Variants in COL25A1 observed in about 807,000 individuals in gnomAD.
COL25A1 encodes collagen type XXV alpha 1 chain.
A neutral mutation model predicts 128.4 loss-of-function variants in COL25A1; 103 were observed. The ratio of observed to expected loss-of-function variants is 0.80; its 90% confidence interval spans 0.68 to 0.94. COL25A1 has a LOEUF of 0.94. COL25A1 is among the 40% of genes least tolerant of loss of function. The pLI is 0.00. For missense variants in COL25A1, 745 were observed against 840.0 expected, an observed-to-expected ratio of 0.89 and a Z score of 1.40; for synonymous variants, 279 against 277.2, an observed-to-expected ratio of 1.01 and a Z score of -0.06.
chr4:109,246,895 AG>A (rs1334554863), intron 3 of COL25A1, among the ~76,000 whole-genome samples: 2 of 152,312 alleles, frequency 1.3e-5, no homozygotes, highest in African/African-American at 4.8e-5. Flanking sequence ...CTGGAATGCA[AG>A]GTAGGTTCAG....
intron 5 of COL25A1, among the ~76,000 whole-genome samples, chr4:109,024,119 A>G (rs1231008785): frequency 6.6e-6 from 1 of 152,094 alleles, no homozygotes; most frequent in Non-Finnish European, 1.5e-5. Context: ...GTGTTAGATG[A>G]TTTTGTCCTA....
At chr4:109,098,233 G>A (rs867451867) in intron 3 of COL25A1, among the ~76,000 whole-genome samples, 1 of 152,096 alleles carries the variant, frequency 6.6e-6, no homozygotes, top group Non-Finnish European at 1.5e-5. Flanking sequence ...AAGCTGATAC[G>A]CAGTTTCTAA....
chr4:109,068,890 G>C (rs1387463248), intron 3 of COL25A1, among the ~76,000 whole-genome samples: 3 of 152,060 alleles, frequency 2.0e-5, no homozygotes, highest in Non-Finnish European at 2.9e-5. Flanking sequence ...GGAGACAGGA[G>C]ACAAGGAAAA....
intron 19 of COL25A1, among the ~76,000 whole-genome samples, 196 bp downstream of exon 19, chr4:108,883,982 T>A (rs1427757402): frequency 2.0e-5 from 3 of 152,160 alleles, no homozygotes; most frequent in Admixed American, 6.5e-5. Flanking sequence ...AAATAAACAA[T>A]CCATATTGCC....
chr4:108,880,290 G>C (rs1430907850), intron 19 of COL25A1, among the ~76,000 whole-genome samples: 1 of 152,116 alleles, frequency 6.6e-6, no homozygotes, highest in African/African-American at 2.4e-5. Context: ...CTTTGTTCCT[G>C]GGATACATTT....
chr4:109,048,373 C>A (rs970816082), intron 4 of COL25A1, among the ~76,000 whole-genome samples, 198 bp from the exon 5 acceptor site: 1 of 152,084 alleles, frequency 6.6e-6, no homozygotes, highest in Non-Finnish European at 1.5e-5. Context: ...TATAATTGCA[C>A]ACAAAATTTT....
intron 6 of COL25A1, 32 bp from the exon 7 acceptor site, chr4:108,974,591 T>C (rs982916446): frequency 6.4e-7 from 1 of 1,558,966 alleles, no homozygotes; most frequent in Admixed American, 1.8e-5. Flanking sequence ...AAAATTTTAA[T>C]TAAAAAAAGA....
chr4:109,150,781 T>C (rs1437648506), intron 3 of COL25A1, among the ~76,000 whole-genome samples: 1 of 152,176 alleles, frequency 6.6e-6, no homozygotes, highest in Non-Finnish European at 1.5e-5. Flanking sequence ...GTCAAGATGA[T>C]GTGTACACCA....
chr4:108,984,227 T>C (rs1753390405), intron 6 of COL25A1, among the ~76,000 whole-genome samples: 1 of 152,134 alleles, frequency 6.6e-6, no homozygotes, highest in South Asian at 2.1e-4. Context: ...TTTACAAACC[T>C]TGAGGTAGAT....
chr4:108,916,072 G>GT (rs1744840026), intron 13 of COL25A1, among the ~76,000 whole-genome samples: 1 of 152,070 alleles, frequency 6.6e-6, no homozygotes, highest in Non-Finnish European at 1.5e-5. Flanking sequence ...GGAGACTCGT[G>GT]TTTTTTACAC....
chr4:109,103,185 T>A (rs557305449), intron 3 of COL25A1, among the ~76,000 whole-genome samples: 10 of 152,246 alleles, frequency 6.6e-5, no homozygotes, highest in African/African-American at 2.4e-4. Context: ...AACTAATACA[T>A]CACTATGCAA....
At chr4:109,271,712 C>T (rs987458565) in intron 3 of COL25A1, among the ~76,000 whole-genome samples, 1 of 152,186 alleles carries the variant, frequency 6.6e-6, no homozygotes, top group Non-Finnish European at 1.5e-5. Flanking sequence ...CAACCCTGAA[C>T]ACCACAGTGA....
intron 8 of COL25A1, among the ~76,000 whole-genome samples, chr4:108,950,680 C>A (rs1321839511): frequency 6.6e-6 from 1 of 152,172 alleles, no homozygotes; most frequent in Non-Finnish European, 1.5e-5. Flanking sequence ...AGGATAAGGG[C>A]AATGGCAAAG....
chr4:109,014,594 C>T (rs72670331), intron 5 of COL25A1, among the ~76,000 whole-genome samples: 32,319 of 152,102 alleles, frequency 0.21, 4,307 homozygotes, highest in South Asian at 0.37. Flanking sequence ...ATAAAATATA[C>T]ATTGCATTAT....
chr4:109,096,339 C>T (rs780404223), intron 3 of COL25A1, among the ~76,000 whole-genome samples: 3 of 152,162 alleles, frequency 2.0e-5, no homozygotes, highest in Non-Finnish European at 2.9e-5. Flanking sequence ...TATAATGGAG[C>T]TGAAAAATTC....
rs545406897 is a variant in COL25A1 at position 109,179,299 on chromosome 4, C to T, written c.367+121284G>A. Among the ~76,000 whole-genome samples, 3 of 152,236 alleles carry T rather than the reference C, an allele frequency of 2.0e-5. No homozygotes were observed. In the South Asian group the frequency reaches 6.2e-4, roughly 31 times the overall value. The stretch of plus-strand genomic sequence containing the variant: ...CTGCCTTAACTGTCCTCACCTCCCC[C>T]CACTGCACCTGACACAACAGCTGTT... On this transcript the variant is annotated intron_variant, in intron 3 of 37. Coordinates refer to ENST00000399132, the MANE Select transcript of COL25A1 (RefSeq NM_198721.4).
At chr4:109,023,369 C>T (rs1046789478) in intron 5 of COL25A1, among the ~76,000 whole-genome samples, 10 of 152,178 alleles carry the variant, frequency 6.6e-5, no homozygotes, top group African/African-American at 2.2e-4. Flanking sequence ...AATGCATGAA[C>T]GGCATTTGGA....
chr4:109,179,136 G>C (rs577405604), intron 3 of COL25A1, among the ~76,000 whole-genome samples: 2 of 152,128 alleles, frequency 1.3e-5, no homozygotes, highest in Admixed American at 1.3e-4. Context: ...TCCTAGTCTG[G>C]AGGCACAGCA....
intron 3 of COL25A1, among the ~76,000 whole-genome samples, chr4:109,231,447 C>T (rs899656590): frequency 6.6e-6 from 1 of 152,150 alleles, no homozygotes; most frequent in Non-Finnish European, 1.5e-5. Context: ...TCTCAAGCTG[C>T]AGCACATTCT....
Sources: allele counts gnomAD v4.1 joint callset (sites outside exome capture counted in the v4.1 genomes callset), GRCh38; gene constraint gnomAD v4.1.1; transcripts MANE v1.5; gene names NCBI Gene and HGNC (gene_info 2026-07-23, HGNC 2026-07-21).